Variants in FAT3 observed in about 807,000 individuals in gnomAD.
FAT3 encodes the protein protocadherin Fat 3.
A neutral mutation model predicts 310.2 loss-of-function variants in FAT3; 95 were observed. The ratio of observed to expected loss-of-function variants is 0.31; its 90% CI spans 0.26 to 0.36. FAT3 has a LOEUF of 0.36. Ranked by LOEUF, FAT3 falls within the 10% of genes least tolerant of loss-of-function variation. The pLI is 1.00. For synonymous variants in FAT3, 2,314 were observed against 2,192.9 expected (o/e 1.06, Z -1.54); for missense variants, 5,408 against 5,715.6 (o/e 0.95, Z 1.74).
intron 1 of FAT3, among the ~76,000 whole-genome samples, chr11:92,288,222 C>T (rs1555001229): frequency 6.6e-6 from 1 of 151,906 alleles, no homozygotes; most frequent in Non-Finnish European, 1.5e-5. Context: ...AAGGAAGTCA[C>T]AAAAAAACAA....
In FAT3 at chr11:92,635,171, C is replaced by T. The variant is rs1021454454; in HGVS notation, c.3608-62213C>T. 2.0e-5 allele frequency among the ~76,000 whole-genome samples: 3 copies of T among 152,130 alleles called. No individual in the cohort carries two copies. The South Asian group carries it at 6.2e-4, about 32-fold the overall frequency. ...CTCTGGGGCAGTCCTTGTGCTGCTC[C>T]CCTGTTCCTCTATCATCATGAGGTC... is the stretch of plus-strand genomic sequence containing the variant. On this transcript the variant is annotated intron_variant, in intron 3 of 27. Transcript: ENST00000525166.
rs16917199 is a variant in FAT3 at position 92,235,933 on chromosome 11, A to G, written c.-18+10759A>G. On this transcript the variant is annotated intron_variant, in intron 1 of 27. Transcript: ENST00000525166. ...AAGGGTGTTATGTACCTAATAGTACATTTGCATGGCGTTTGATGTTCACAG... is the reference window on the plus strand; with the variant it reads ...AAGGGTGTTATGTACCTAATAGTACGTTTGCATGGCGTTTGATGTTCACAG... 7.0e-3 allele frequency among the ~76,000 whole-genome samples: 1,067 copies of G among 152,338 alleles called. 15 individuals carry two copies. The highest frequency in any genetic ancestry group is 0.024 in the African/African-American group (1,009 of 41,586).
At position 92,800,417 on chromosome 11, in the gene FAT3, T is replaced by C. The variant is rs1947305347; in HGVS notation, c.7404T>C (p.Asn2468=). 2 of 1,613,898 alleles carry C rather than the reference T, an allele frequency of 1.2e-6. No homozygotes were observed. Among genetic ancestry groups the C allele is most frequent in the African/African-American group, 1.3e-5 (1 of 74,936 alleles). ...KQRMEPLYSL[N]VSVSDGLFTS... The stretch of plus-strand genomic sequence containing the variant: ...GGATGGAGCCTCTGTACAGTCTCAA[T>C]GTGTCTGTCTCTGATGGGTTGTTCA... Residue 2468 remains asparagine (N), a synonymous_variant, in exon 10 of 28, where the codon AAT becomes AAC. Transcript: ENST00000525166.
intron 4 of FAT3, among the ~76,000 whole-genome samples, chr11:92,701,297 T>G (rs1944089234): frequency 6.6e-6 from 1 of 152,232 alleles, no homozygotes; most frequent in Non-Finnish European, 1.5e-5. Flanking sequence ...GAAAGCACTT[T>G]AGTTGTATAC....
At chr11:92,624,077 G>T (rs1197122166) in intron 3 of FAT3, among the ~76,000 whole-genome samples, 1 of 152,134 alleles carries the variant, frequency 6.6e-6, no homozygotes, top group Non-Finnish European at 1.5e-5. Context: ...TGCTCCCAGG[G>T]AACTCAGAGG....
At chr11:92,874,481 TAC>T (rs1273764920) in intron 22 of FAT3, among the ~76,000 whole-genome samples, 4 of 152,216 alleles carry the variant, frequency 2.6e-5, no homozygotes, top group Non-Finnish European at 4.4e-5. Context: ...TAAGTTCTAA[TAC>T]AGTCTTGTAG....
At chr11:92,717,926 A>T (rs1944736446) in intron 4 of FAT3, among the ~76,000 whole-genome samples, 1 of 152,186 alleles carries the variant, frequency 6.6e-6, no homozygotes, top group South Asian at 2.1e-4. Flanking sequence ...AGCAAGCTAG[A>T]TTCAGCTAAA....
chr11:92,429,505 C>G (rs1950715473), intron 2 of FAT3, among the ~76,000 whole-genome samples: 1 of 152,126 alleles, frequency 6.6e-6, no homozygotes, highest in Admixed American at 6.6e-5. Context: ...TATGATTTTG[C>G]AGTTGCTGGT....
At chr11:92,316,295 G>A (rs1947459685) in intron 1 of FAT3, among the ~76,000 whole-genome samples, 2 of 152,122 alleles carry the variant, frequency 1.3e-5, no homozygotes, top group South Asian at 4.2e-4. Flanking sequence ...CTGAAAAGGA[G>A]TGAGATTTCA....
intron 1 of FAT3, among the ~76,000 whole-genome samples, chr11:92,295,475 T>A (rs1946825895): frequency 6.6e-6 from 1 of 152,152 alleles, no homozygotes; most frequent in Non-Finnish European, 1.5e-5. Flanking sequence ...TACAATTCTT[T>A]CACTGAATTA....
intron 3 of FAT3, among the ~76,000 whole-genome samples, chr11:92,617,948 G>A (rs1034742964): frequency 1.3e-5 from 2 of 152,190 alleles, no homozygotes; most frequent in African/African-American, 4.8e-5. Flanking sequence ...ACTTGAGGAG[G>A]CAGTCTGTCC....
At chr11:92,653,014 C>T (rs1043277785) in intron 3 of FAT3, among the ~76,000 whole-genome samples, 1 of 152,130 alleles carries the variant, frequency 6.6e-6, no homozygotes, top group Non-Finnish European at 1.5e-5. Context: ...CACAAATTAG[C>T]TGGGCATGGT....
Position 92,805,334 on chromosome 11 carries a change from C to T in FAT3, c.9078C>T (p.Ser3026=), listed in dbSNP as rs1211430429. The T allele has an allele frequency of 1.2e-6, 2 of 1,613,302 alleles. No homozygotes were observed. Among genetic ancestry groups the T allele is most frequent in the Non-Finnish European group, 8.5e-7 (1 of 1,179,602 alleles). The part of the protein sequence containing the change: ...EVSVSDVNDN[S]PVCDQVAYTA... ...GCGTCAGTGATGTGAATGACAATAG[C>T]CCAGTGTGTGATCAGGTGAGATTTG... is the stretch of plus-strand genomic sequence containing the variant. The change falls in exon 11 of 28, where the codon AGC becomes AGT. Residue 3026 remains serine, a synonymous_variant. Coordinates refer to ENST00000525166, the MANE Select transcript of FAT3 (RefSeq NM_001367949.2).
chr11:92,286,173 C>T (rs528584700), intron 1 of FAT3, among the ~76,000 whole-genome samples: 24 of 152,162 alleles, frequency 1.6e-4, no homozygotes, highest in Non-Finnish European at 2.1e-4. Flanking sequence ...TACACATTGC[C>T]AGTGATGCTT....
At chr11:92,528,455 C>T (rs1038228360) in intron 3 of FAT3, among the ~76,000 whole-genome samples, 3 of 152,170 alleles carry the variant, frequency 2.0e-5, no homozygotes, top group Non-Finnish European at 4.4e-5. Flanking sequence ...GGCACGATCT[C>T]GGCTCACTGC....
In FAT3 at chr11:92,795,713, C is replaced by T. The variant is rs150046465; in HGVS notation, c.4823-2123C>T. 2.8e-3 allele frequency among the ~76,000 whole-genome samples: 424 copies of T among 152,096 alleles called. 2 individuals carry two copies. The highest frequency in any genetic ancestry group is 9.8e-3 in the African/African-American group (407 of 41,484). On this transcript the variant is annotated intron_variant, in intron 9 of 27. Transcript: ENST00000525166. ...ATCACTTGAGGTCAGAAGTCTGAGA[C>T]CAGCCTGACCAACGTGGCAAAACCC... is the stretch of plus-strand genomic sequence containing the variant.
At chr11:92,613,091 A>T (rs1008418605) in intron 3 of FAT3, among the ~76,000 whole-genome samples, 4 of 152,188 alleles carry the variant, frequency 2.6e-5, no homozygotes, top group Non-Finnish European at 5.9e-5. Flanking sequence ...ACCTTCTTGG[A>T]TTCTAAGATC....
intron 3 of FAT3, among the ~76,000 whole-genome samples, chr11:92,679,826 A>G (rs1943418558): frequency 7.8e-6 from 1 of 127,506 alleles, no homozygotes; most frequent in Admixed American, 8.9e-5. Flanking sequence ...TGGGCGACAG[A>G]GCGAGACTCC....
chr11:92,377,132 C>G (rs1026407292), intron 2 of FAT3, among the ~76,000 whole-genome samples: 4 of 152,198 alleles, frequency 2.6e-5, no homozygotes, highest in Admixed American at 6.5e-5. Flanking sequence ...AAACCCAATA[C>G]AGGCTCATGC....
Sources: gnomAD v4.1 joint callset for allele counts (sites outside exome capture counted in the v4.1 genomes callset) on GRCh38, gnomAD v4.1.1 for gene constraint, MANE v1.5 for transcripts, NCBI Gene and HGNC (gene_info 2026-07-23, HGNC 2026-07-21) for gene names.